The following ZPBP variants were observed in gnomAD, a reference collection of about 807,000 sequenced individuals.
The protein encoded by ZPBP is zona pellucida-binding protein 1.
ZPBP carries 26 observed loss-of-function variants against 44.8 expected under a neutral mutation model. The observed-to-expected ratio is 0.58, with a 90% CI of 0.43 to 0.81. ZPBP has a LOEUF of 0.81. Ranked by LOEUF, ZPBP falls within the 30% of genes least tolerant of loss-of-function variation. The pLI, the probability that ZPBP is intolerant of heterozygous loss-of-function variation, is 0.00. For missense variants in ZPBP, 409 were observed against 434.0 expected (o/e 0.94, Z 0.51); for synonymous variants, 174 against 153.2 (o/e 1.14, Z -1.00).
chr7:49,925,308 G>C (rs1452634447), intron 1 of ZPBP, among the ~76,000 whole-genome samples: 1 of 152,180 alleles, frequency 6.6e-6, no homozygotes, highest in Non-Finnish European at 1.5e-5. Flanking sequence ...AGTGGACAGG[G>C]GCCAGATGGC....
intron 7 of ZPBP, among the ~76,000 whole-genome samples, chr7:49,961,337 A>C (rs1295197845): frequency 6.6e-6 from 1 of 152,194 alleles, no homozygotes; most frequent in Non-Finnish European, 1.5e-5. Context: ...TCTCAAAATC[A>C]TTATGCTAAT....
At chr7:50,027,558 G>C (rs1004730749) in intron 5 of ZPBP, among the ~76,000 whole-genome samples, 13 of 151,424 alleles carry the variant, frequency 8.6e-5, no homozygotes, top group Non-Finnish European at 1.6e-4. Context: ...CACACCTTAA[G>C]AAACTAGAAA....
chr7:50,019,508 T>A (rs772171671), intron 5 of ZPBP, among the ~76,000 whole-genome samples: 1 of 152,112 alleles, frequency 6.6e-6, no homozygotes, highest in Non-Finnish European at 1.5e-5. Flanking sequence ...TATAATATAA[T>A]CTTGAAGAGG....
chr7:49,911,210 G>C (rs1242853532), intron 1 of ZPBP, among the ~76,000 whole-genome samples: 16 of 152,124 alleles, frequency 1.1e-4, no homozygotes, highest in Non-Finnish European at 1.5e-4. Context: ...TGGGCTGGGA[G>C]CGGTGGCTTA....
chr7:49,940,801 T>G, intron 7 of ZPBP: 1 of 985,332 alleles, frequency 1.0e-6, no homozygotes, highest in East Asian at 1.1e-4. Flanking sequence ...TTTATGACCT[T>G]CTGACCTGTA....
chr7:49,872,927 A>AAAAAG (rs1791235321), intron 2 of ZPBP, among the ~76,000 whole-genome samples: 1 of 149,224 alleles, frequency 6.7e-6, no homozygotes, highest in Non-Finnish European at 1.5e-5. Flanking sequence ...AAAAAAAAAA[A>AAAAAG]AAAAAAAAAA....
chr7:49,917,752 A>T (rs1032548122), intron 1 of ZPBP: 4 of 152,146 alleles, frequency 2.6e-5, no homozygotes, highest in Non-Finnish European at 4.4e-5. Flanking sequence ...ATATTTAATG[A>T]TCATTATTTT....
downstream of ZPBP, among the ~76,000 whole-genome samples, chr7:49,846,122 A>G (rs890210221): frequency 3.3e-5 from 5 of 152,214 alleles, no homozygotes; most frequent in Middle Eastern, 3.2e-3. Context: ...AGAGATAACT[A>G]TCCCAAGGAT....
At chr7:49,921,646 CTATGTAAAGTGTTTATAACATAATACAT>C (rs1467302305) in intron 1 of ZPBP, 1 of 152,104 alleles carries the variant, frequency 6.6e-6, no homozygotes, top group African/African-American at 2.4e-5. Flanking sequence ...AGCACAAGAT[CTATGTAAAGTGTTTATAACATAATACAT>C]TGGAATATGA....
intron 5 of ZPBP, among the ~76,000 whole-genome samples, chr7:50,029,233 A>G (rs1320259675): frequency 6.6e-6 from 1 of 152,180 alleles, no homozygotes; most frequent in Non-Finnish European, 1.5e-5. Context: ...TTCAGTGTGG[A>G]AAAGAATGGT....
chr7:49,971,626 T>A (rs2128770546), intron 7 of ZPBP, among the ~76,000 whole-genome samples: 1 of 152,234 alleles, frequency 6.6e-6, no homozygotes, highest in East Asian at 1.9e-4. Context: ...AAAAACTTTC[T>A]TATAAAGAAG....
intron 1 of ZPBP, among the ~76,000 whole-genome samples, chr7:49,924,438 C>T (rs1007310435): frequency 1.3e-5 from 2 of 152,114 alleles, no homozygotes; most frequent in Non-Finnish European, 1.5e-5. Flanking sequence ...AAAGCATTGA[C>T]ATCACATGAA....
intron 2 of ZPBP, among the ~76,000 whole-genome samples, chr7:49,855,198 ATCTT>A (rs1409286374): frequency 1.3e-5 from 2 of 152,198 alleles, no homozygotes; most frequent in African/African-American, 4.8e-5. Flanking sequence ...CAAAAGGCAA[ATCTT>A]TCTTTTTCTC....
intron 2 of ZPBP, among the ~76,000 whole-genome samples, chr7:50,083,083 T>C (rs1291967233): frequency 6.6e-6 from 1 of 151,802 alleles, no homozygotes; most frequent in Non-Finnish European, 1.5e-5. Flanking sequence ...TCAGCATAAG[T>C]ATATCCTTTG....
In ZPBP at chr7:50,089,956, T is replaced by C. The variant is rs77893973; in HGVS notation, c.128-247A>G. ...GCCATTTAGAATAATCTCTTCATTA[T>C]TAGAAGTTCAAATCTCCCACCATTC... On this transcript the variant is annotated intron_variant, in intron 1 of 7. Transcript: ENST00000046087. 4.6e-3 allele frequency among the ~76,000 whole-genome samples: 693 copies of C among 152,254 alleles called. 2 individuals are homozygous for C. Among genetic ancestry groups the C allele is most frequent in the African/African-American group, 0.016 (673 of 41,566 alleles).
chr7:50,093,129 C>T lies in ZPBP; in HGVS notation c.66G>A (p.Leu22=). The change falls in exon 1 of 8, where the codon CTG becomes CTA. Residue 22 remains leucine (L), a synonymous_variant. Coordinates refer to ENST00000046087, the MANE Select transcript of ZPBP (RefSeq NM_007009.3). ...AGAGGAGGATGGCGGCCCGAGAGAGCAGGGAGCCGGCGGCCCGGGTCCGCC... is the reference window on the plus strand; with the variant it reads ...AGAGGAGGATGGCGGCCCGAGAGAGTAGGGAGCCGGCGGCCCGGGTCCGCC... ...GRRRTRAAGS[L]LSRAAILLFI... The T allele has an allele frequency of 6.4e-7, 1 of 1,566,438 alleles. No homozygotes were observed. Among genetic ancestry groups the T allele is most frequent in the Non-Finnish European group, 8.6e-7 (1 of 1,157,706 alleles).
At chr7:49,998,347 G>C (rs890822140) in intron 6 of ZPBP, among the ~76,000 whole-genome samples, 1 of 152,284 alleles carries the variant, frequency 6.6e-6, no homozygotes, top group Non-Finnish European at 1.5e-5. Context: ...AAGACTCTCC[G>C]CTTCAGGGCA....
At chr7:49,845,874 C>A (rs778228306), downstream of ZPBP, among the ~76,000 whole-genome samples, 1 of 152,050 alleles carries the variant, frequency 6.6e-6, no homozygotes, top group African/African-American at 2.4e-5. Flanking sequence ...AGTGTGAGTG[C>A]GTGTGCACAC....
At chr7:49,900,636 A>G (rs992122866) in intron 2 of ZPBP, among the ~76,000 whole-genome samples, 1 of 151,840 alleles carries the variant, frequency 6.6e-6, no homozygotes, top group African/African-American at 2.4e-5. Context: ...ATAGGTCTAT[A>G]TATATAAAAG....
Sources: gnomAD v4.1 joint callset for allele counts (sites outside exome capture counted in the v4.1 genomes callset) on GRCh38, gnomAD v4.1.1 for gene constraint, MANE v1.5 for transcripts, NCBI Gene and HGNC (gene_info 2026-07-23, HGNC 2026-07-21) for gene names.